ATP13A2: variants seen among roughly 807,000 people sequenced by gnomAD.
The protein encoded by ATP13A2 is ATPase cation transporting 13A2, also known as polyamine-transporting ATPase 13A2.
In ATP13A2, 83 loss-of-function variants were observed where a neutral mutation model predicts 138.3. The observed-to-expected ratio is 0.60, with a 90% CI of 0.50 to 0.72. The LOEUF is 0.72. ATP13A2 is among the 30% of genes least tolerant of loss of function. ATP13A2 has a pLI of 0.00. For missense variants in ATP13A2, 1,402 were observed against 1,606.4 expected, an observed-to-expected ratio of 0.87 and a Z score of 2.17; for synonymous variants, 663 against 699.0, an observed-to-expected ratio of 0.95 and a Z score of 0.81.
At position 16,996,597 on chromosome 1, in the gene ATP13A2, TGATGTTTGTGAAATTAG is replaced by T. The variant is rs2077135771; in HGVS notation, c.1196-118_1196-102del. ...CCCGTGCCTCTGGAGTTGCAAGACA[TGATGTTTGTGAAATTAG>T]CCATCAGCAGTGTGGAGTCCTAACA... is the stretch of plus-strand genomic sequence containing the variant. On this transcript the variant is annotated intron_variant, in intron 12 of 28. Coordinates refer to ENST00000326735, the MANE Select transcript of ATP13A2 (RefSeq NM_022089.4). 3.3e-6 allele frequency: 3 copies of T among 922,458 alleles called. No individual in the cohort carries two copies. The African/African-American group carries it at 4.9e-5, about 15-fold the overall frequency. The allele number at this position is 922,458 out of a possible 1,614,324, so 57.1% of individuals were successfully genotyped here.
Position 17,000,568 on chromosome 1 carries a change from C to T in ATP13A2, c.706-34G>A, listed in dbSNP as rs1281793907. 10 of 1,605,980 alleles carry T rather than the reference C, an allele frequency of 6.2e-6. No individual in the cohort carries two copies. In the East Asian group the frequency reaches 1.3e-4, roughly 22 times the overall value. ...GGGGCGGGAGGCAGCGTCAGGGCCG[C>T]GTCCCCCAGGGCAGCCCAGCCACAG... On this transcript the variant is annotated intron_variant, in intron 8 of 28. Transcript: ENST00000326735.
chr1:16,993,556 G>C, intron 16 of ATP13A2, 73 bp downstream of exon 16: 2 of 1,390,936 alleles, frequency 1.4e-6, no homozygotes, highest in Non-Finnish European at 9.9e-7. Context: ...GAAAGATGGA[G>C]AGGGAAGACA....
At chr1:17,000,577 G>A (rs1053029008) in intron 8 of ATP13A2, 43 bp from the exon 9 acceptor site, 12 of 1,599,652 alleles carry the variant, frequency 7.5e-6, no homozygotes, top group African/African-American at 1.3e-5. Flanking sequence ...GCGTCCCCCA[G>A]GGCAGCCCAG....
chr1:16,999,961 T>C, intron 11 of ATP13A2, 50 bp downstream of exon 11: 4 of 1,551,758 alleles, frequency 2.6e-6, no homozygotes, highest in Non-Finnish European at 3.5e-6. Flanking sequence ...GGGCAAAGGG[T>C]TGGATGGCAG....
chr1:16,999,575 G>A lies in ATP13A2; in HGVS notation c.1039+436C>T, dbSNP rs902895237. ...GTAACGGCCCAGGGGTGTGAGGTTA[G>A]CAAGTCCTAAAGCTGGGATTGTTGC... On this transcript the variant is annotated intron_variant, in intron 11 of 28. Coordinates refer to ENST00000326735, the MANE Select transcript of ATP13A2 (RefSeq NM_022089.4). Among the ~76,000 whole-genome samples, 85 of 152,162 alleles carry A rather than the reference G, an allele frequency of 5.6e-4. 1 individual carries two copies. Among genetic ancestry groups the A allele is most frequent in the African/African-American group, 2.0e-3 (81 of 41,528 alleles).
In ATP13A2 at chr1:16,992,132, G is replaced by A; in HGVS notation, c.2006-3C>T. ...CATCTGGGCGAAGTCGGTGGGCACT[G>A]CCAGGGAGAGGCAGGTGTCACAAGG... On this transcript the variant is annotated splice_polypyrimidine_tract_variant and splice_region_variant and intron_variant, in intron 18 of 28. Transcript: ENST00000326735. The A allele has an allele frequency of 6.2e-7, 1 of 1,612,942 alleles. No homozygotes were observed. Among genetic ancestry groups the A allele is most frequent in the Non-Finnish European group, 8.5e-7 (1 of 1,179,246 alleles).
intron 15 of ATP13A2, among the ~76,000 whole-genome samples, chr1:16,994,480 G>A (rs527732530): frequency 3.6e-4 from 54 of 151,960 alleles, no homozygotes; most frequent in Admixed American, 3.9e-4. Flanking sequence ...CAATCCACCC[G>A]CCTTGGCCTC....
Position 16,991,327 on chromosome 1 carries a change from CT to C in ATP13A2, c.2251+406del, listed in dbSNP as rs1450756538. ...CTTGAACTCCAGGGTTCAAGACATCCTTCTCCTTTGGCCTCCCAAAGTGCTG... is the reference window on the plus strand; with the variant it reads ...CTTGAACTCCAGGGTTCAAGACATCCTCTCCTTTGGCCTCCCAAAGTGCTG... On this transcript the variant is annotated intron_variant, in intron 20 of 28. Transcript: ENST00000326735. Among the ~76,000 whole-genome samples the C allele has an allele frequency of 2.6e-5, 4 of 152,160 alleles. No individual in the cohort carries two copies. The East Asian group carries it at 7.7e-4, about 29-fold the overall frequency.
In ATP13A2 at chr1:17,004,414, G is replaced by T. The variant is rs1381869769; in HGVS notation, c.478-3C>A. The T allele has an allele frequency of 6.2e-7, 1 of 1,614,016 alleles. No homozygotes were observed. The highest frequency in any genetic ancestry group is 8.5e-7 in the Non-Finnish European group (1 of 1,179,990). ...AGGTAATACCGCAGCACCCGCTTCT[G>T]GGTGGGAGAGAGGAGAGGATGGGTT... On this transcript the variant is annotated splice_region_variant and splice_polypyrimidine_tract_variant and intron_variant, in intron 5 of 28. Transcript: ENST00000326735. The surrounding 1 kb of genome is among the most constrained non-coding windows in gnomAD (Gnocchi z 4.1).
intron 1 of ATP13A2, among the ~76,000 whole-genome samples, chr1:17,007,208 C>A (rs2077590771): frequency 6.6e-6 from 1 of 152,124 alleles, no homozygotes; most frequent in African/African-American, 2.4e-5. Context: ...TCCTCCTGTG[C>A]TGTAGAGCTG....
At chr1:16,989,605 G>A in intron 23 of ATP13A2, 86 bp downstream of exon 23, 1 of 1,377,722 alleles carries the variant, frequency 7.3e-7, no homozygotes, top group Non-Finnish European at 1.0e-6. Flanking sequence ...GAGGGAGACA[G>A]GGCCCTGGGG....
Position 16,995,652 on chromosome 1 carries a change from G to C in ATP13A2, c.1542+324C>G, listed in dbSNP as rs1480865118. The C allele has an allele frequency of 1.7e-5, 7 of 409,534 alleles. No individual in the cohort carries two copies. The highest frequency in any genetic ancestry group is 3.6e-5 in the Admixed American group (1 of 28,030). The allele number at this position is 409,534 out of a possible 1,614,324, so 25.4% of individuals were successfully genotyped here. A position where few individuals can be genotyped will look rare whatever the true frequency, so the allele number is the denominator to read the frequency against. On this transcript the variant is annotated intron_variant, in intron 15 of 28. Coordinates refer to ENST00000326735, the MANE Select transcript of ATP13A2 (RefSeq NM_022089.4). This position sits in a 1 kb window ranked among gnomAD's most constrained non-coding sequence, Gnocchi z 4.1. Reference sequence around the variant, plus strand: ...TAGTAGACGGGGTTTTGCCATGTTGGTCAGGCTGGTCTTGAACTCCTGACC... The same window carrying C: ...TAGTAGACGGGGTTTTGCCATGTTGCTCAGGCTGGTCTTGAACTCCTGACC...
At chr1:16,996,873 G>T in intron 12 of ATP13A2, 147 bp downstream of exon 12, 1 of 1,029,442 alleles carries the variant, frequency 9.7e-7, no homozygotes, top group Non-Finnish European at 1.5e-6. Flanking sequence ...ACCCCAGATG[G>T]GGGGCAACTG....
chr1:16,987,398 G>A (rs2076775597), intron 25 of ATP13A2, 129 bp from the exon 26 acceptor site: 2 of 906,812 alleles, frequency 2.2e-6, no homozygotes, highest in African/African-American at 1.7e-5. Context: ...TCTAATGGGG[G>A]CCGTACTCTC....
At chr1:17,008,208 T>A (rs1256668190) in intron 1 of ATP13A2, among the ~76,000 whole-genome samples, 2 of 152,132 alleles carry the variant, frequency 1.3e-5, no homozygotes, top group Non-Finnish European at 2.9e-5. Flanking sequence ...AGTGTTGCGA[T>A]CATAGCTCAC....
chr1:17,000,194 G>GGGGGGGCCC, intron 10 of ATP13A2, 52 bp from the exon 11 acceptor site: 1 of 1,570,242 alleles, frequency 6.4e-7, no homozygotes, highest in Non-Finnish European at 8.7e-7. Flanking sequence ...CCCCAGCCAT[G>GGGGGGGCCC]CCCCCCCACC....
At position 16,997,077 on chromosome 1, in the gene ATP13A2, T is replaced by C. The variant is rs1315348516; in HGVS notation, c.1138A>G (p.Ile380Val). 1.2e-6 allele frequency: 2 copies of C among 1,613,446 alleles called. No individual in the cohort carries two copies. The highest frequency in any genetic ancestry group is 2.2e-5 in the South Asian group (2 of 91,066). Residue 380 changes from isoleucine to valine, a missense_variant, in exon 12 of 29, where the codon ATC becomes GTC. Physicochemically the swap from Ile to Val is conservative, Grantham distance 29 (BLOSUM62 3). Transcript: ENST00000326735. Reference sequence around the variant, plus strand: ...CCCACATAGGCCCGGGCCTGCAAGATGAGGGTCCCGCAGAAGAGTGTGTGC... The same window carrying C: ...CCCACATAGGCCCGGGCCTGCAAGACGAGGGTCCCGCAGAAGAGTGTGTGC... Reference protein sequence around the residue: ...RRHTLFCGTLILQARAYVGPH... With the variant: ...RRHTLFCGTLVLQARAYVGPH...
chr1:16,989,861 G>A (rs781557299), intron 22 of ATP13A2, 26 bp downstream of exon 22: 13 of 1,608,102 alleles, frequency 8.1e-6, no homozygotes, highest in African/African-American at 8.0e-5. Flanking sequence ...GGCGCAGGGC[G>A]GCCAGGGAGC....
Position 16,991,762 on chromosome 1 carries a change from C to T in ATP13A2, c.2223G>A (p.Arg741=). Residue 741 remains arginine (R), a synonymous_variant, in exon 20 of 29, where the codon AGG becomes AGA. Transcript: ENST00000326735. The part of the protein sequence containing the change: ...QTTPVIQALR[R]TRIRAVMVTG... ...TCACCATGACGGCGCGGATGCGGGT[C>T]CTTCGCAGAGCCTGGATAACTGGCG... The T allele has an allele frequency of 6.2e-7, 1 of 1,614,146 alleles. No homozygotes were observed. Among genetic ancestry groups the T allele is most frequent in the Non-Finnish European group, 8.5e-7 (1 of 1,180,048 alleles).
Sources: gnomAD v4.1 joint callset for allele counts (sites outside exome capture counted in the v4.1 genomes callset) on GRCh38, gnomAD v4.1.1 for gene constraint, Gnocchi (gnomAD v3.1) non-coding constraint, MANE v1.5 for transcripts, NCBI Gene and HGNC (gene_info 2026-07-23, HGNC 2026-07-21) for gene names.